The following DROSHA variants were observed in gnomAD, a reference collection of about 807,000 sequenced individuals.
The protein encoded by DROSHA is drosha ribonuclease III, also known as ribonuclease 3.
A neutral mutation model predicts 181.9 loss-of-function variants in DROSHA; 56 were observed. That is an observed-to-expected ratio of 0.31 (90% CI 0.25 to 0.38). DROSHA has a LOEUF of 0.38. Ranked by LOEUF, DROSHA falls within the 10% of genes least tolerant of loss-of-function variation. The probability of loss-of-function intolerance (pLI) is 1.00; values close to 1 mark genes in which losing one functional copy is unlikely to be tolerated. For synonymous variants in DROSHA, 524 were observed against 591.2 expected, an observed-to-expected ratio of 0.89 and a Z score of 1.65; for missense variants, 1,218 against 1,743.5, an observed-to-expected ratio of 0.70 and a Z score of 5.37.
intron 16 of DROSHA, among the ~76,000 whole-genome samples, chr5:31,472,626 G>A (rs997122014): frequency 6.6e-6 from 1 of 152,184 alleles, no homozygotes; most frequent in African/African-American, 2.4e-5. Context: ...ACAGATGAAA[G>A]CTCTTTAGAA....
intron 30 of DROSHA, among the ~76,000 whole-genome samples, chr5:31,418,616 G>A (rs1480637784): frequency 6.6e-6 from 1 of 152,148 alleles, no homozygotes; most frequent in Non-Finnish European, 1.5e-5. Flanking sequence ...CAGTGGTCCA[G>A]GTGAGTAAGG....
chr5:31,408,416 T>C (rs1034242610), intron 33 of DROSHA, among the ~76,000 whole-genome samples: 2 of 152,246 alleles, frequency 1.3e-5, no homozygotes, highest in South Asian at 4.1e-4. Context: ...TCAACCTATG[T>C]GTGTCTCAAG....
intron 30 of DROSHA, among the ~76,000 whole-genome samples, chr5:31,413,311 G>A (rs75469161): frequency 7.5e-4 from 115 of 152,322 alleles, no homozygotes; most frequent in African/African-American, 2.6e-3. Context: ...ATCAGTGGGG[G>A]AGAAGGAAGC....
intron 8 of DROSHA, among the ~76,000 whole-genome samples, chr5:31,511,662 T>C (rs1738690586): frequency 6.6e-6 from 1 of 150,756 alleles, no homozygotes; most frequent in Non-Finnish European, 1.5e-5. Context: ...ACTGTGCCAC[T>C]ATACTCTAGC....
intron 23 of DROSHA, among the ~76,000 whole-genome samples, chr5:31,446,290 C>CA (rs371785039): frequency 2.0e-5 from 3 of 151,210 alleles, no homozygotes; most frequent in Non-Finnish European, 4.4e-5. Flanking sequence ...ACTAAAAATA[C>CA]AAAAAAATTA....
intron 30 of DROSHA, among the ~76,000 whole-genome samples, chr5:31,415,938 C>T (rs1170022508): frequency 6.6e-6 from 1 of 152,178 alleles, no homozygotes; most frequent in Non-Finnish European, 1.5e-5. Flanking sequence ...CCCTCTATAG[C>T]CCAATGCAAA....
At chr5:31,474,529 C>CT (rs1750135797) in intron 16 of DROSHA, among the ~76,000 whole-genome samples, 1 of 151,940 alleles carries the variant, frequency 6.6e-6, no homozygotes, top group Non-Finnish European at 1.5e-5. Flanking sequence ...GGCCTGGCTA[C>CT]TTTTTTAATT....
In DROSHA at chr5:31,435,761, A is replaced by G. The variant is rs1453690592; in HGVS notation, c.3042+4T>C. 2 of 1,613,234 alleles carry G rather than the reference A, an allele frequency of 1.2e-6. No homozygotes were observed. Among genetic ancestry groups the G allele is most frequent in the East Asian group, 2.2e-5 (1 of 44,896 alleles). On this transcript the variant is annotated splice_donor_region_variant and intron_variant, in intron 25 of 35. Coordinates refer to ENST00000344624, the MANE Select transcript of DROSHA (RefSeq NM_001382508.1). ...ACTACAAATGCTGCAGATGTCTTCT[A>G]TACCTTTGCTAGCATGGCAAGGTGC...
chr5:31,438,351 T>G (rs1392082441), intron 23 of DROSHA, among the ~76,000 whole-genome samples: 2 of 152,162 alleles, frequency 1.3e-5, no homozygotes, highest in East Asian at 3.9e-4. Context: ...GAGACTTTCC[T>G]GCATGGGAGG....
chr5:31,436,778 ACACACACACACACACACACT>A, intron 24 of DROSHA, among the ~76,000 whole-genome samples: 1 of 147,734 alleles, frequency 6.8e-6, no homozygotes, highest in South Asian at 2.2e-4. Flanking sequence ...ACACACACAC[ACACACACACACACACACACT>A]AGAAAATCTG....
chr5:31,484,769 T>C lies in DROSHA; in HGVS notation c.1996+112A>G. ...TGAATAACACTTTTCTCTGGGTATT[T>C]AAAAAATAAGAGAAATTTCAACTAT... On this transcript the variant is annotated intron_variant, in intron 15 of 35. Transcript: ENST00000344624. The C allele has an allele frequency of 2.6e-6, 2 of 755,378 alleles. 1 individual carries two copies. The highest frequency in any genetic ancestry group is 3.5e-5 in the South Asian group (2 of 56,480). The allele number at this position is 755,378 out of a possible 1,614,324, so 46.8% of individuals were successfully genotyped here. A position where few individuals can be genotyped will look rare whatever the true frequency, so the allele number is the denominator to read the frequency against.
chr5:31,509,415 G>T (rs1738398728), intron 9 of DROSHA, among the ~76,000 whole-genome samples: 1 of 152,136 alleles, frequency 6.6e-6, no homozygotes, highest in Non-Finnish European at 1.5e-5. Context: ...ATCCATAAAA[G>T]GGCAGTTTCA....
At chr5:31,500,881 A>G (rs2150047947) in intron 11 of DROSHA, among the ~76,000 whole-genome samples, 1 of 152,362 alleles carries the variant, frequency 6.6e-6, no homozygotes, top group South Asian at 2.1e-4. Context: ...GTACAAAATA[A>G]GTGGGTAACC....
In DROSHA at chr5:31,414,671, G is replaced by A. The variant is rs541383635; in HGVS notation, c.3526-3784C>T. On this transcript the variant is annotated intron_variant, in intron 30 of 35. Coordinates refer to ENST00000344624, the MANE Select transcript of DROSHA (RefSeq NM_001382508.1). ...AAACACAACAGAAATGTTAGCTGTT[G>A]CTGTGTTATTCACAACAGCATCATC... is the stretch of plus-strand genomic sequence containing the variant. Among the ~76,000 whole-genome samples, 17 of 152,326 alleles carry A rather than the reference G, an allele frequency of 1.1e-4. No individual in the cohort carries two copies. The East Asian group carries it at 1.3e-3, about 12-fold the overall frequency.
At chr5:31,516,965 T>A (rs189378048) in intron 6 of DROSHA, among the ~76,000 whole-genome samples, 236 of 152,334 alleles carry the variant, frequency 1.5e-3, no homozygotes, top group African/African-American at 5.5e-3. Flanking sequence ...TTTTTAAGGC[T>A]TCTCTCTAGT....
rs562263088 is a variant in DROSHA at position 31,484,112 on chromosome 5, C to T, written c.1997-484G>A. Among the ~76,000 whole-genome samples the T allele has an allele frequency of 2.2e-4, 34 of 152,234 alleles. 1 individual carries two copies. The highest frequency in any genetic ancestry group is 1.9e-3 in the Admixed American group (29 of 15,296). On this transcript the variant is annotated intron_variant, in intron 15 of 35. Coordinates refer to ENST00000344624, the MANE Select transcript of DROSHA (RefSeq NM_001382508.1). ...AACCGCTGGGCGCAGTGGCTCACGCCTGTAATCCCAGCACTTTGGGAGGCC... is the reference window on the plus strand; with the variant it reads ...AACCGCTGGGCGCAGTGGCTCACGCTTGTAATCCCAGCACTTTGGGAGGCC...
chr5:31,457,356 C>T (rs1005120700), intron 20 of DROSHA, among the ~76,000 whole-genome samples: 4 of 151,974 alleles, frequency 2.6e-5, no homozygotes, highest in Non-Finnish European at 5.9e-5. Context: ...AACTACTGAC[C>T]TCAGGTGATC....
At chr5:31,492,399 T>C (rs1013604837) in intron 13 of DROSHA, among the ~76,000 whole-genome samples, 2 of 152,220 alleles carry the variant, frequency 1.3e-5, no homozygotes, top group Non-Finnish European at 2.9e-5. Context: ...ATCTGTGAAG[T>C]AAACAGTACT....
intron 25 of DROSHA, among the ~76,000 whole-genome samples, chr5:31,433,274 C>T (rs1182403657): frequency 6.6e-6 from 1 of 152,140 alleles, no homozygotes; most frequent in Non-Finnish European, 1.5e-5. Flanking sequence ...GTTTTGACTA[C>T]CGCAAATGCA....
Sources: gnomAD v4.1 joint callset for allele counts (sites outside exome capture counted in the v4.1 genomes callset) on GRCh38, gnomAD v4.1.1 for gene constraint, MANE v1.5 for transcripts, NCBI Gene and HGNC (gene_info 2026-07-23, HGNC 2026-07-21) for gene names.